Variants in IL1RAPL1 observed in about 807,000 individuals in gnomAD.
The protein encoded by IL1RAPL1 is interleukin 1 receptor accessory protein like 1.
IL1RAPL1 carries 3 observed loss-of-function variants against 48.4 expected under a neutral mutation model. The observed-to-expected ratio is 0.06, with a 90% confidence interval of 0.03 to 0.16. The LOEUF (loss-of-function observed/expected upper bound fraction) is 0.16, where lower values mean the gene tolerates loss of function less well. Among genes scored for constraint, IL1RAPL1 ranks in the 10% least tolerant of loss-of-function variants. The pLI is 1.00. For synonymous variants in IL1RAPL1, 185 were observed against 187.7 expected (o/e 0.99, Z 0.12); for missense variants, 349 against 530.6 (o/e 0.66, Z 3.36).
intron 3 of IL1RAPL1, among the ~76,000 whole-genome samples, chrX:29,304,582 G>A (rs1470074640): frequency 2.7e-5 from 3 of 112,160 alleles, no homozygotes; most frequent in South Asian, 3.7e-4. Context: ...GAATCTGGGT[G>A]TGGTTGGGGT....
At chrX:29,899,290 A>G (rs770062559) in intron 6 of IL1RAPL1, among the ~76,000 whole-genome samples, 24 of 111,417 alleles carry the variant, frequency 2.2e-4, no homozygotes, top group African/African-American at 7.8e-4. Context: ...ACACGTTTAG[A>G]GACAATTCAA....
rs778798304 is a variant in IL1RAPL1, at chrX:28,985,939, G to A, written c.82+196514G>A. On this transcript the variant is annotated intron_variant, in intron 2 of 10. Transcript: ENST00000378993. ...CTCCCAGAGTGCTGGGATTACAGGC[G>A]TGAGCCACCGCGCCCGGCCCCTAAC... 1.9e-4 allele frequency among the ~76,000 whole-genome samples: 21 copies of A among 111,933 alleles called. No individual in the cohort carries two copies. In the South Asian group the frequency reaches 7.0e-3, roughly 37 times the overall value.
intron 3 of IL1RAPL1, among the ~76,000 whole-genome samples, chrX:29,359,031 AAAC>A (rs1210593161): frequency 6.3e-5 from 7 of 111,087 alleles, no homozygotes; most frequent in African/African-American, 2.0e-4. Flanking sequence ...TCAAAAAAAA[AAAC>A]AACAATGTAA....
chrX:29,104,687 G>A (rs1161469115), intron 2 of IL1RAPL1, among the ~76,000 whole-genome samples: 2 of 111,137 alleles, frequency 1.8e-5, no homozygotes, highest in African/African-American at 6.5e-5. Flanking sequence ...TTACTATGAT[G>A]TGATTGTCAG....
chrX:29,044,891 C>T (rs1926921605), intron 2 of IL1RAPL1, among the ~76,000 whole-genome samples: 1 of 109,529 alleles, frequency 9.1e-6, no homozygotes, highest in Non-Finnish European at 1.9e-5. Flanking sequence ...TTATTTTTCT[C>T]ATGAATGACA....
intron 6 of IL1RAPL1, among the ~76,000 whole-genome samples, chrX:29,762,823 C>T (rs1928787217): frequency 9.0e-6 from 1 of 111,092 alleles, no homozygotes; most frequent in African/African-American, 3.3e-5. Flanking sequence ...TCTATCCTGT[C>T]GTTTTGAATA....
At chrX:29,733,859 CA>C (rs1240286656) in intron 6 of IL1RAPL1, among the ~76,000 whole-genome samples, 1 of 112,688 alleles carries the variant, frequency 8.9e-6, no homozygotes, top group African/African-American at 3.2e-5. Flanking sequence ...TGATACATAA[CA>C]GGGATTTATT....
At chrX:29,526,328 A>G (rs1053902884) in intron 5 of IL1RAPL1, among the ~76,000 whole-genome samples, 2 of 111,854 alleles carry the variant, frequency 1.8e-5, no homozygotes, top group African/African-American at 6.5e-5. Flanking sequence ...TGGAAAATCT[A>G]TTAATATCAA....
rs757058967 is a variant in IL1RAPL1 at position 29,771,907 on chromosome X, A to T, written c.778+103403A>T. Among the ~76,000 whole-genome samples the T allele has an allele frequency of 2.7e-5, 3 of 111,350 alleles. No individual in the cohort carries two copies. The East Asian group carries it at 8.5e-4, about 32-fold the overall frequency. Reference sequence around the variant, plus strand: ...GCTGAAGGCAAGGAGGAGCAAGAGGACGTCTTACATGGCAGCAGGCAAGAG... The same window carrying T: ...GCTGAAGGCAAGGAGGAGCAAGAGGTCGTCTTACATGGCAGCAGGCAAGAG... On this transcript the variant is annotated intron_variant, in intron 6 of 10. Coordinates refer to ENST00000378993, the MANE Select transcript of IL1RAPL1 (RefSeq NM_014271.4).
chrX:29,025,918 C>T (rs911388937), intron 2 of IL1RAPL1, among the ~76,000 whole-genome samples: 1 of 111,656 alleles, frequency 9.0e-6, no homozygotes, highest in Admixed American at 9.5e-5. Context: ...GCAAATTACT[C>T]ACTTCCATCT....
chrX:29,321,562 A>G (rs891008648), intron 3 of IL1RAPL1, among the ~76,000 whole-genome samples: 105 of 112,053 alleles, frequency 9.4e-4, no homozygotes, highest in African/African-American at 3.1e-3. Flanking sequence ...GTGTGTGTGT[A>G]TGTGTGTAGT....
At chrX:28,787,012 A>G (rs1400526681) in intron 1 of IL1RAPL1, among the ~76,000 whole-genome samples, 2 of 112,206 alleles carry the variant, frequency 1.8e-5, no homozygotes, top group Non-Finnish European at 3.8e-5. Flanking sequence ...AGATTGACCA[A>G]GATGTTAAGT....
intron 1 of IL1RAPL1, among the ~76,000 whole-genome samples, chrX:28,593,050 C>T: frequency 1.8e-5 from 2 of 111,594 alleles, no homozygotes. Context: ...TAATTTTCAC[C>T]CAGAAAATGC....
At chrX:29,746,151 T>C (rs1344970823) in intron 6 of IL1RAPL1, among the ~76,000 whole-genome samples, 1 of 112,023 alleles carries the variant, frequency 8.9e-6, no homozygotes, top group Non-Finnish European at 1.9e-5. Context: ...TTGGCACTTG[T>C]GGAATTAACT....
At chrX:28,794,543 T>C (rs1395783719) in intron 2 of IL1RAPL1, among the ~76,000 whole-genome samples, 1 of 111,322 alleles carries the variant, frequency 9.0e-6, no homozygotes, top group Non-Finnish European at 1.9e-5. Flanking sequence ...TTAGGAGGAA[T>C]TTCATCTATA....
intron 8 of IL1RAPL1, among the ~76,000 whole-genome samples, chrX:29,940,285 C>T (rs889873583): frequency 1.8e-5 from 2 of 111,220 alleles, no homozygotes; most frequent in African/African-American, 6.5e-5. Flanking sequence ...ACTCATATTA[C>T]ACCAGTCCCA....
intron 5 of IL1RAPL1, among the ~76,000 whole-genome samples, chrX:29,458,457 TTGAC>T (rs201679714): frequency 3.4e-5 from 1 of 29,371 alleles, no homozygotes; most frequent in Middle Eastern, 0.013. Flanking sequence ...GTTCTACTCC[TTGAC>T]TGCCCAGTCA....
intron 3 of IL1RAPL1, among the ~76,000 whole-genome samples, chrX:29,296,884 C>T (rs184715121): frequency 3.9e-4 from 44 of 111,991 alleles, no homozygotes; most frequent in African/African-American, 1.4e-3. Context: ...CTTTTCTCAT[C>T]GGTTTGCTCT....
At chrX:28,605,543 C>A (rs1934073819) in intron 1 of IL1RAPL1, among the ~76,000 whole-genome samples, 1 of 111,542 alleles carries the variant, frequency 9.0e-6, no homozygotes, top group Non-Finnish European at 1.9e-5. Context: ...TCCATCATCT[C>A]TTTTCTAAAT....
Sources: gnomAD v4.1 joint callset for allele counts (sites outside exome capture counted in the v4.1 genomes callset) on GRCh38, gnomAD v4.1.1 for gene constraint, MANE v1.5 for transcripts, NCBI Gene and HGNC (gene_info 2026-07-23, HGNC 2026-07-21) for gene names.